FANCA: variants seen among roughly 807,000 people sequenced by gnomAD.
FANCA encodes Fanconi anemia group A protein.
FANCA carries 236 observed loss-of-function variants against 194.3 expected under a neutral mutation model. The observed-to-expected ratio is 1.21, with a 90% CI of 1.09 to 1.35. The LOEUF (loss-of-function observed/expected upper bound fraction) is 1.35. Ranked by LOEUF, FANCA falls within the 40% of genes most tolerant of loss-of-function variation. FANCA has a pLI of 0.00. For missense variants in FANCA, 2,628 were observed against 1,813.9 expected (o/e 1.45, Z -8.15); for synonymous variants, 1,014 against 715.8 (o/e 1.42, Z -6.65).
At chr16:89,780,656 C>T (rs1457727479) in intron 17 of FANCA, among the ~76,000 whole-genome samples, 1 of 150,746 alleles carries the variant, frequency 6.6e-6, no homozygotes, top group Admixed American at 6.6e-5. Context: ...AGGCCAGGCG[C>T]GGCAGCTCAC....
intron 28 of FANCA, 152 bp from the exon 29 acceptor site, chr16:89,762,174 A>T (rs2038974584): frequency 1.4e-6 from 1 of 711,062 alleles, no homozygotes; most frequent in Non-Finnish European, 2.6e-6. Context: ...ACAGGAAAGA[A>T]ACCTTAGTTT....
At position 89,738,651 on chromosome 16, in the gene FANCA, G is replaced by C. The variant is rs767234774; in HGVS notation, c.4318C>G (p.Gln1440Glu). ...AGGTCAGCGTCAGGGGCAGCCTGCTGTCTGCTCTGGAGGGCGGCGCTCACC... is the reference window on the plus strand; with the variant it reads ...AGGTCAGCGTCAGGGGCAGCCTGCTCTCTGCTCTGGAGGGCGGCGCTCACC... ...PEVSAALQSRQQAAPDADLSQ... is the reference protein window; with the variant it reads ...PEVSAALQSREQAAPDADLSQ... Residue 1440 changes from glutamine (Q) to glutamate (E), a missense_variant, in exon 43 of 43, where the codon CAG becomes GAG. By Grantham distance (29) the Gln-to-Glu change is conservative. Transcript: ENST00000389301. 8.7e-6 allele frequency: 14 copies of C among 1,613,478 alleles called. No individual in the cohort carries two copies. The highest frequency in any genetic ancestry group is 4.4e-5 in the South Asian group (4 of 91,062).
intron 29 of FANCA, among the ~76,000 whole-genome samples, chr16:89,758,966 C>T (rs2038853322): frequency 6.6e-6 from 1 of 152,026 alleles, no homozygotes; most frequent in South Asian, 2.1e-4. Flanking sequence ...GGATGACATC[C>T]CACGGGGTAA....
intron 39 of FANCA, 196 bp from the exon 40 acceptor site, chr16:89,739,749 G>A (rs892757324): frequency 3.4e-6 from 5 of 1,488,282 alleles, no homozygotes; most frequent in Non-Finnish European, 4.5e-6. Flanking sequence ...CCTCTTGCAG[G>A]AGGGTGGGTG....
At chr16:89,753,426 A>G (rs566680952) in intron 30 of FANCA, among the ~76,000 whole-genome samples, 1 of 152,226 alleles carries the variant, frequency 6.6e-6, no homozygotes, top group Non-Finnish European at 1.5e-5. Context: ...ACACAGGGAG[A>G]GACCCACCGA....
At position 89,773,389 on chromosome 16, in the gene FANCA, G is replaced by C. The variant is rs1060504375; in HGVS notation, c.1901-5C>G. ...CCCTCACTCCCAGGGCTGCATCTGTGAGAAGAAGGAAGAAACCAGATGGAA... is the reference window on the plus strand; with the variant it reads ...CCCTCACTCCCAGGGCTGCATCTGTCAGAAGAAGGAAGAAACCAGATGGAA... On this transcript the variant is annotated splice_polypyrimidine_tract_variant and splice_region_variant and intron_variant, in intron 21 of 42. Transcript: ENST00000389301. The C allele has an allele frequency of 1.3e-6, 2 of 1,545,224 alleles. No homozygotes were observed. Among genetic ancestry groups the C allele is most frequent in the African/African-American group, 2.7e-5 (2 of 72,900 alleles).
rs17232428 is a variant in FANCA at position 89,798,607 on chromosome 16, C to T, written c.893+559G>A. The T allele has an allele frequency of 6.1e-3, 7,106 of 1,158,476 alleles. 372 individuals are homozygous for T. In the African/African-American group the frequency reaches 0.099, roughly 16 times the overall value. 71.8% of individuals were successfully genotyped at this position (1,158,476 alleles called of 1,614,324 possible). A position where few individuals can be genotyped will look rare whatever the true frequency, so the allele number is the denominator to read the frequency against. ...CATTTCCACCAAACCCCGATGTCCA[C>T]CTTCCACCCAGCCCCCACTCCTCAG... On this transcript the variant is annotated intron_variant, in intron 10 of 42. Coordinates refer to ENST00000389301, the MANE Select transcript of FANCA (RefSeq NM_000135.4).
rs2039890593 is a variant in FANCA, at chr16:89,786,157, T to C, written c.1360-1193A>G. On this transcript the variant is annotated intron_variant, in intron 14 of 42. Coordinates refer to ENST00000389301, the MANE Select transcript of FANCA (RefSeq NM_000135.4). ...CCTCTGCCTCCCAAGTAGCTGGGAC[T>C]ACAAGCACGTGCCACCAAGCCCGGT... is the stretch of plus-strand genomic sequence containing the variant. Among the ~76,000 whole-genome samples the C allele has an allele frequency of 3.4e-5, 5 of 147,674 alleles. No individual in the cohort carries two copies. In the Admixed American group the frequency reaches 3.4e-4, roughly 10 times the overall value.
At chr16:89,815,746 G>A in intron 2 of FANCA, 131 bp downstream of exon 2, 2 of 774,112 alleles carry the variant, frequency 2.6e-6, no homozygotes, top group South Asian at 1.4e-5. Context: ...GGGCTCAGGC[G>A]ACCCTCCCCT....
chr16:89,814,727 G>C, intron 2 of FANCA, 114 bp from the exon 3 acceptor site: 1 of 754,826 alleles, frequency 1.3e-6, no homozygotes, highest in Non-Finnish European at 2.3e-6. Flanking sequence ...CAGATCACGA[G>C]GTCAAGAGTT....
rs1030186205 is a variant in FANCA, at chr16:89,738,462, C to A, written c.*139G>T. 10 of 1,440,472 alleles carry A rather than the reference C, an allele frequency of 6.9e-6. No homozygotes were observed. Among genetic ancestry groups the A allele is most frequent in the East Asian group, 4.8e-5 (2 of 41,350 alleles). 89.2% of individuals were successfully genotyped at this position (1,440,472 alleles called of 1,614,324 possible). ...CTGAGTGACTCGGGGCCGGACAGTT[C>A]ATAAATAATTGATTCCTTTCCCCAC... is the stretch of plus-strand genomic sequence containing the variant. On this transcript the variant is annotated 3_prime_UTR_variant, in exon 43 of 43. Coordinates refer to ENST00000389301, the MANE Select transcript of FANCA (RefSeq NM_000135.4).
chr16:89,739,498 C>G lies in FANCA; in HGVS notation c.3990G>C (p.Leu1330=). The change falls in exon 40 of 43, where the codon CTG becomes CTC. Residue 1330 remains leucine (L), a synonymous_variant. Coordinates refer to ENST00000389301, the MANE Select transcript of FANCA (RefSeq NM_000135.4). ...LRVAPDQHTR[L]LPFAFYSLLS... The stretch of plus-strand genomic sequence containing the variant: ...GGTACCTGTAAAAAGCGAAAGGCAG[C>G]AGCCTGGTGTGCTGATCCGGGGCCA... 6.4e-7 allele frequency: 1 copy of G among 1,551,312 alleles called. No homozygotes were observed. The highest frequency in any genetic ancestry group is 8.7e-7 in the Non-Finnish European group (1 of 1,147,200).
chr16:89,815,676 T>TG (rs1273024384), intron 2 of FANCA, among the ~76,000 whole-genome samples: 3 of 152,014 alleles, frequency 2.0e-5, no homozygotes, highest in African/African-American at 4.8e-5. Context: ...TTGTTGTTGT[T>TG]TTGTTTTTAA....
intron 39 of FANCA, 28 bp downstream of exon 39, chr16:89,739,966 A>G: frequency 6.2e-7 from 1 of 1,612,714 alleles, no homozygotes; most frequent in South Asian, 1.1e-5. Context: ...GGCCCTCCGC[A>G]TTTGTGCCTC....
In FANCA at chr16:89,738,603, A is replaced by G; in HGVS notation, c.4366T>C (p.Ter1456ArgextTer13). ...ADLSQEPHLF[*>R] ...CTGGTGTGCAGTGGCAGGTCCCGTC[A>G]GAAGAGATGAGGCTCCTGGGACAGG... Residue 1456 changes from the stop codon to arginine, a stop_lost, in exon 43 of 43, where the codon TGA becomes CGA. Transcript: ENST00000389301. 1 of 1,613,136 alleles carries G rather than the reference A, an allele frequency of 6.2e-7. No homozygotes were observed. Among genetic ancestry groups the G allele is most frequent in the Non-Finnish European group, 8.5e-7 (1 of 1,180,014 alleles).
intron 28 of FANCA, among the ~76,000 whole-genome samples, chr16:89,763,872 G>A (rs1292605691): frequency 2.6e-5 from 4 of 150,966 alleles, no homozygotes; most frequent in African/African-American, 9.8e-5. Flanking sequence ...GGCAGAGGCT[G>A]CAGTGAGCCA....
rs536287114 is a variant in FANCA at position 89,738,498 on chromosome 16, G to A, written c.*103C>T. 11 of 1,550,130 alleles carry A rather than the reference G, an allele frequency of 7.1e-6. No individual in the cohort carries two copies. Among genetic ancestry groups the A allele is most frequent in the East Asian group, 2.3e-5 (1 of 44,424 alleles). ...GATTCCTTTCCCCACTAAAGCAGTC[G>A]AGGAGATTTGTAATCCACTTTTTAG... On this transcript the variant is annotated 3_prime_UTR_variant, in exon 43 of 43. Transcript: ENST00000389301.
intron 29 of FANCA, among the ~76,000 whole-genome samples, chr16:89,760,975 G>A (rs746047890): frequency 4.6e-5 from 7 of 152,248 alleles, no homozygotes; most frequent in East Asian, 1.9e-4. Flanking sequence ...TGCCTTATAC[G>A]TGCCACATCT....
At chr16:89,796,159 A>C in intron 10 of FANCA, 141 bp from the exon 11 acceptor site, 1 of 715,330 alleles carries the variant, frequency 1.4e-6, no homozygotes, top group East Asian at 2.7e-5. Flanking sequence ...CTATAACCAC[A>C]GACTTGAAAC....
Sources: allele counts gnomAD v4.1 joint callset (sites outside exome capture counted in the v4.1 genomes callset), GRCh38; gene constraint gnomAD v4.1.1; transcripts MANE v1.5; gene names NCBI Gene and HGNC (gene_info 2026-07-23, HGNC 2026-07-21).